The following GTF3C1 variants were observed in gnomAD, a reference collection of about 807,000 sequenced individuals.
GTF3C1 encodes the protein general transcription factor 3C polypeptide 1.
Under a neutral mutation model 226.7 loss-of-function variants are expected in GTF3C1, and 57 were observed. That is an observed-to-expected ratio of 0.25 (90% CI 0.20 to 0.31). The LOEUF (loss-of-function observed/expected upper bound fraction) is 0.31. Among genes scored for constraint, GTF3C1 ranks in the 10% least tolerant of loss-of-function variants. The pLI, the probability that GTF3C1 is intolerant of heterozygous loss-of-function variation, is 1.00. For missense variants in GTF3C1, 2,217 were observed against 2,776.1 expected, an observed-to-expected ratio of 0.80 and a Z score of 4.53; for synonymous variants, 1,090 against 1,084.8, an observed-to-expected ratio of 1.00 and a Z score of -0.09.
At position 27,545,192 on chromosome 16, in the gene GTF3C1, G is replaced by A. The variant is rs191087736; in HGVS notation, c.431+122C>T. 7.0e-5 allele frequency: 52 copies of A among 743,842 alleles called. No individual in the cohort carries two copies. In the East Asian group the frequency reaches 1.2e-3, roughly 18 times the overall value. 46.1% of individuals were successfully genotyped at this position (743,842 alleles called of 1,614,324 possible). On this transcript the variant is annotated intron_variant, in intron 2 of 36. Coordinates refer to ENST00000356183, the MANE Select transcript of GTF3C1 (RefSeq NM_001520.4). The stretch of plus-strand genomic sequence containing the variant: ...GCGTTTTGCCATGTTGGCCAGGCTG[G>A]TCTTGAACTCCTGGCCTCAAGTGAT...
At chr16:27,506,440 C>G (rs916376427) in intron 9 of GTF3C1, among the ~76,000 whole-genome samples, 2 of 152,128 alleles carry the variant, frequency 1.3e-5, no homozygotes, top group African/African-American at 4.8e-5. Flanking sequence ...GGACATTTAA[C>G]GATGTCCCCA....
At chr16:27,518,622 C>T (rs1008337360) in intron 6 of GTF3C1, among the ~76,000 whole-genome samples, 4 of 152,114 alleles carry the variant, frequency 2.6e-5, no homozygotes, top group East Asian at 3.8e-4. Context: ...GCCTTTAATT[C>T]GATTTGATTC....
intron 28 of GTF3C1, 103 bp downstream of exon 28, chr16:27,478,366 G>T: frequency 1.2e-6 from 1 of 814,016 alleles, no homozygotes; most frequent in Non-Finnish European, 2.2e-6. Context: ...ACACAAACAG[G>T]TAGTGGGCTG....
rs998941673 is a variant in GTF3C1 at position 27,463,485 on chromosome 16, C to G, written c.5924+56G>C. On this transcript the variant is annotated intron_variant, in intron 35 of 36. Coordinates refer to ENST00000356183, the MANE Select transcript of GTF3C1 (RefSeq NM_001520.4). This position sits in a 1 kb window ranked among gnomAD's most constrained non-coding sequence, Gnocchi z 4.9. ...AAAGACCCTCACACAAATCCTTACA[C>G]TCGGTCCCTGTCAAGAGCCCCGCCC... The G allele has an allele frequency of 1.7e-5, 16 of 963,230 alleles. No homozygotes were observed. Among genetic ancestry groups the G allele is most frequent in the Non-Finnish European group, 2.2e-5 (13 of 590,846 alleles). 59.7% of individuals were successfully genotyped at this position (963,230 alleles called of 1,614,324 possible). A position where few individuals can be genotyped will look rare whatever the true frequency, so the allele number is the denominator to read the frequency against.
intron 5 of GTF3C1, among the ~76,000 whole-genome samples, chr16:27,530,348 TCC>T (rs1269367342): frequency 2.0e-5 from 3 of 152,066 alleles, no homozygotes; most frequent in Non-Finnish European, 4.4e-5. Flanking sequence ...TGGAAACTCA[TCC>T]ATCAGATCCC....
In GTF3C1 at chr16:27,511,554, A is replaced by G. The variant is rs113049020; in HGVS notation, c.1126+195T>C. ...AATGGGACTCAGAGACCTCATTAAA[A>G]TCATATGGCTAAGTGGCAGAGCAAG... On this transcript the variant is annotated intron_variant, in intron 7 of 36. Transcript: ENST00000356183. 7.0e-3 allele frequency among the ~76,000 whole-genome samples: 1,064 copies of G among 152,358 alleles called. 16 individuals carry two copies. The highest frequency in any genetic ancestry group is 0.024 in the African/African-American group (1,010 of 41,580).
intron 25 of GTF3C1, chr16:27,483,448 T>C (rs1339869601): frequency 1.2e-5 from 6 of 508,818 alleles, no homozygotes; most frequent in South Asian, 9.2e-5. Flanking sequence ...TGAAAGTGCA[T>C]CACACATTTA....
chr16:27,477,911 T>G (rs1045909934), intron 28 of GTF3C1, among the ~76,000 whole-genome samples: 3 of 152,190 alleles, frequency 2.0e-5, no homozygotes, highest in Non-Finnish European at 2.9e-5. Flanking sequence ...GGCTTACGCC[T>G]GTAATCCCAG....
chr16:27,537,931 G>C lies in GTF3C1; in HGVS notation c.609-4C>G. On this transcript the variant is annotated splice_polypyrimidine_tract_variant and splice_region_variant and intron_variant, in intron 3 of 36. Coordinates refer to ENST00000356183, the MANE Select transcript of GTF3C1 (RefSeq NM_001520.4). ...GTGCAGCTTCCCAGCATCAACCCTGGAGGAAAAGAGGAGCCATGTCATTTG... is the reference window on the plus strand; with the variant it reads ...GTGCAGCTTCCCAGCATCAACCCTGCAGGAAAAGAGGAGCCATGTCATTTG... 6.2e-7 allele frequency: 1 copy of C among 1,613,128 alleles called. No homozygotes were observed. Among genetic ancestry groups the C allele is most frequent in the South Asian group, 1.1e-5 (1 of 90,962 alleles).
At position 27,526,897 on chromosome 16, in the gene GTF3C1, G is replaced by C. The variant is rs149867533; in HGVS notation, c.973+1701C>G. On this transcript the variant is annotated intron_variant, in intron 6 of 36. Transcript: ENST00000356183. ...TTAATCAGGAGGAGTAAAAAGGATG[G>C]GACAAAAATCAAGAATAGATAAAAA... Among the ~76,000 whole-genome samples the C allele has an allele frequency of 3.3e-5, 5 of 152,312 alleles. No homozygotes were observed. The East Asian group carries it at 7.7e-4, about 24-fold the overall frequency.
At chr16:27,495,687 G>A (rs375227532) in intron 14 of GTF3C1, among the ~76,000 whole-genome samples, 195 bp from the exon 15 acceptor site, 1 of 152,326 alleles carries the variant, frequency 6.6e-6, no homozygotes, top group South Asian at 2.1e-4. Context: ...CCCATCAGAC[G>A]AAAACAGCTG....
At chr16:27,525,548 A>T (rs1265419192) in intron 6 of GTF3C1, among the ~76,000 whole-genome samples, 1 of 152,256 alleles carries the variant, frequency 6.6e-6, no homozygotes, top group Non-Finnish European at 1.5e-5. Flanking sequence ...AGACACAGGG[A>T]AGCCAGACAG....
rs764913038 is a variant in GTF3C1, at chr16:27,470,317, C to G, written c.4605G>C (p.Lys1535Asn). 2.5e-6 allele frequency: 4 copies of G among 1,613,914 alleles called. No individual in the cohort carries two copies. In the Admixed American group the frequency reaches 6.7e-5, roughly 27 times the overall value. The change falls in exon 31 of 37, where the codon AAG (lysine) becomes AAC (asparagine). Residue 1535 changes from lysine (K) to asparagine (N), a missense_variant. This residue lies in a region of GTF3C1 where 546 missense variants were observed against 663.0 expected (regional missense o/e 0.82). Transcript: ENST00000356183. The surrounding 1 kb of genome is among the most constrained non-coding windows in gnomAD (Gnocchi z 4.9). The stretch of plus-strand genomic sequence containing the variant: ...AAGAGAAACGATCAGGCTGGTCCAA[C>G]TTGCCGGCAGCCCGCATTCTGTCCA... The part of the protein sequence containing the change: ...QFLDRMRAAG[K>N]LDQPDRFSFK...
chr16:27,511,488 G>A (rs1266429559), intron 7 of GTF3C1, among the ~76,000 whole-genome samples: 2 of 152,118 alleles, frequency 1.3e-5, no homozygotes, highest in Admixed American at 6.5e-5. Flanking sequence ...CTGATTCTGT[G>A]TCTCTGGAGA....
chr16:27,518,380 G>A (rs1048231670), intron 6 of GTF3C1, among the ~76,000 whole-genome samples: 3 of 152,204 alleles, frequency 2.0e-5, no homozygotes. Flanking sequence ...TGTATAACTT[G>A]GCTATGTAAT....
intron 10 of GTF3C1, among the ~76,000 whole-genome samples, chr16:27,503,907 G>C (rs927001495): frequency 6.6e-6 from 1 of 152,160 alleles, no homozygotes; most frequent in African/African-American, 2.4e-5. Flanking sequence ...GATGGTGTCT[G>C]AACGGCCAGG....
chr16:27,507,046 C>T lies in GTF3C1; in HGVS notation c.1353G>A (p.Glu451=), dbSNP rs754191860. Residue 451 remains glutamate (E), a synonymous_variant, in exon 9 of 37, where the codon GAG becomes GAA. Coordinates refer to ENST00000356183, the MANE Select transcript of GTF3C1 (RefSeq NM_001520.4). The surrounding 1 kb of genome is among the most constrained non-coding windows in gnomAD (Gnocchi z 4.9). ...RQYQREKARS[E]LLTTVSLASM... The stretch of plus-strand genomic sequence containing the variant: ...ACGCCAGGCTCACGGTGGTCAAGAG[C>T]TCGCTGCGGGCCTTCTCTCTTTGGT... 12 of 1,613,818 alleles carry T rather than the reference C, an allele frequency of 7.4e-6. No individual in the cohort carries two copies. The Admixed American group carries it at 1.7e-4, about 22-fold the overall frequency.
chr16:27,533,455 C>T (rs1269729102), intron 4 of GTF3C1, 68 bp from the exon 5 acceptor site: 13 of 808,512 alleles, frequency 1.6e-5, no homozygotes, highest in Non-Finnish European at 2.2e-5. Context: ...CTGCCTGTTT[C>T]TTAAAGATGA....
chr16:27,488,084 T>G, intron 23 of GTF3C1, 143 bp downstream of exon 23: 3 of 681,362 alleles, frequency 4.4e-6, no homozygotes, highest in Non-Finnish European at 2.6e-6. Flanking sequence ...GCAACCATCA[T>G]AGAGAGTCAG....
Sources: gnomAD v4.1 joint callset for allele counts (sites outside exome capture counted in the v4.1 genomes callset) on GRCh38, gnomAD v4.1.1 for gene constraint, gnomAD v4.1.1 regional missense constraint, Gnocchi (gnomAD v3.1) non-coding constraint, MANE v1.5 for transcripts, NCBI Gene and HGNC (gene_info 2026-07-23, HGNC 2026-07-21) for gene names.